PIGH: variants seen among roughly 807,000 people sequenced by gnomAD.
PIGH encodes the protein phosphatidylinositol glycan anchor biosynthesis class H.
PIGH carries 11 observed loss-of-function variants against 20.1 expected under a neutral mutation model. The ratio of observed to expected loss-of-function variants is 0.55; its 90% CI spans 0.34 to 0.91. The LOEUF (loss-of-function observed/expected upper bound fraction) is 0.91, where lower values mean the gene tolerates loss of function less well. Among genes scored for constraint, PIGH ranks in the 40% least tolerant of loss-of-function variants. The pLI, the probability that PIGH is intolerant of heterozygous loss-of-function variation, is 0.02. For synonymous variants in PIGH, 72 were observed against 93.1 expected (o/e 0.77, Z 1.31); for missense variants, 189 against 233.6 (o/e 0.81, Z 1.24).
chr14:67,596,674 G>C (rs999620309), intron 1 of PIGH, among the ~76,000 whole-genome samples: 1 of 152,042 alleles, frequency 6.6e-6, no homozygotes, highest in Non-Finnish European at 1.5e-5. Flanking sequence ...CAAGAATCTT[G>C]CTGAATCAGT....
chr14:67,596,295 A>ATTTTT (rs772451900), intron 1 of PIGH, among the ~76,000 whole-genome samples: 6,196 of 60,184 alleles, frequency 0.1, 1,270 homozygotes, highest in East Asian at 0.27. Flanking sequence ...CGCCCAGCTA[A>ATTTTT]TTTTTTTTTT....
At chr14:67,596,836 TA>T (rs1398170022) in intron 1 of PIGH, among the ~76,000 whole-genome samples, 1 of 152,252 alleles carries the variant, frequency 6.6e-6, no homozygotes, top group Non-Finnish European at 1.5e-5. Flanking sequence ...TCCTTGGCTA[TA>T]AATCTCCACT....
Position 67,600,262 on chromosome 14 carries a change from C to A in PIGH, c.-59G>T. 1 of 1,415,108 alleles carries A rather than the reference C, an allele frequency of 7.1e-7. No homozygotes were observed. The highest frequency in any genetic ancestry group is 1.4e-5 in the South Asian group (1 of 70,130). The allele number at this position is 1,415,108 out of a possible 1,614,324, so 87.7% of individuals were successfully genotyped here. The stretch of plus-strand genomic sequence containing the variant: ...GCTGCACTGCGCTCGCCGGCCCTGG[C>A]CGTCTCGCCCGCTCCAGACCCGCTT... On this transcript the variant is annotated 5_prime_UTR_variant, in exon 1 of 4. Coordinates refer to ENST00000216452, the MANE Select transcript of PIGH (RefSeq NM_004569.5).
chr14:67,589,429 T>A lies in PIGH; in HGVS notation c.*651A>T, dbSNP rs2036297971. 2 of 985,264 alleles carry A rather than the reference T, an allele frequency of 2.0e-6. No individual in the cohort carries two copies. Among genetic ancestry groups the A allele is most frequent in the East Asian group, 2.3e-4 (2 of 8,812 alleles). 61.0% of individuals were successfully genotyped at this position (985,264 alleles called of 1,614,324 possible). ...TTGGCAAAAGTAGCTTTTGAACTGA[T>A]ATAAAAAAAAATGCTGAGTAACAGA... is the stretch of plus-strand genomic sequence containing the variant. On this transcript the variant is annotated 3_prime_UTR_variant, in exon 4 of 4. Coordinates refer to ENST00000216452, the MANE Select transcript of PIGH (RefSeq NM_004569.5).
intron 1 of PIGH, among the ~76,000 whole-genome samples, chr14:67,598,150 C>A (rs1287195881): frequency 6.6e-6 from 1 of 152,164 alleles, no homozygotes; most frequent in African/African-American, 2.4e-5. Context: ...GATTTCTTCT[C>A]ATTCCAGATA....
chr14:67,598,254 A>T (rs1258327697), intron 1 of PIGH, among the ~76,000 whole-genome samples: 3 of 152,218 alleles, frequency 2.0e-5, no homozygotes, highest in Non-Finnish European at 4.4e-5. Context: ...TTAAAGGAAG[A>T]TGCGGTCACT....
chr14:67,590,378 G>A (rs759210560), intron 3 of PIGH, among the ~76,000 whole-genome samples: 2 of 151,026 alleles, frequency 1.3e-5, no homozygotes, highest in African/African-American at 2.4e-5. Context: ...TCAGCCTCCC[G>A]AGTAGCTGGG....
intron 1 of PIGH, among the ~76,000 whole-genome samples, chr14:67,599,527 G>T (rs917845359): frequency 6.6e-6 from 1 of 152,144 alleles, no homozygotes; most frequent in African/African-American, 2.4e-5. Flanking sequence ...CAGAGATTAG[G>T]AAGAACTATA....
At chr14:67,590,711 G>A (rs990058164) in intron 3 of PIGH, among the ~76,000 whole-genome samples, 1 of 152,192 alleles carries the variant, frequency 6.6e-6, no homozygotes, top group Non-Finnish European at 1.5e-5. Flanking sequence ...TGACACAGCA[G>A]TGAGCTCATG....
At chr14:67,598,101 TG>T (rs2036506962) in intron 1 of PIGH, among the ~76,000 whole-genome samples, 1 of 152,230 alleles carries the variant, frequency 6.6e-6, no homozygotes. Flanking sequence ...TAATTTGGGT[TG>T]GGGTTAAGCT....
chr14:67,597,929 A>G (rs766066726), intron 1 of PIGH, among the ~76,000 whole-genome samples: 34 of 152,300 alleles, frequency 2.2e-4, no homozygotes, highest in Admixed American at 7.8e-4. Context: ...TGGAACTTTA[A>G]TAGAACTGTG....
In PIGH at chr14:67,593,891, T is replaced by C; in HGVS notation, c.242A>G (p.His81Arg). 4 of 1,613,580 alleles carry C rather than the reference T, an allele frequency of 2.5e-6. No individual in the cohort carries two copies. The highest frequency in any genetic ancestry group is 3.4e-6 in the Non-Finnish European group (4 of 1,179,668). The change falls in exon 2 of 4, where the codon CAT becomes CGT. Residue 81 changes from histidine to arginine, a missense_variant. His to Arg is a conservative substitution (Grantham distance 29). Transcript: ENST00000216452. ...AGTCTCCTGATCAATCTTCACAAAA[T>C]GGAGATAACCAAGCAGACCTAAGAG... is the stretch of plus-strand genomic sequence containing the variant. ...ITLLGLLGYL[H>R]FVKIDQETLL...
chr14:67,592,614 G>T lies in PIGH; in HGVS notation c.474+21C>A, dbSNP rs1182805215. The T allele has an allele frequency of 4.8e-6, 7 of 1,464,148 alleles. No homozygotes were observed. In the African/African-American group the frequency reaches 8.3e-5, roughly 17 times the overall value. The allele number at this position is 1,464,148 out of a possible 1,614,324, so 90.7% of individuals were successfully genotyped here. ...AAGGTTGAGGAGTAATTGGAGAATGGTAAAAGTATTCTATGCTCACCTGGA... is the reference window on the plus strand; with the variant it reads ...AAGGTTGAGGAGTAATTGGAGAATGTTAAAAGTATTCTATGCTCACCTGGA... On this transcript the variant is annotated intron_variant, in intron 3 of 3. Transcript: ENST00000216452.
At chr14:67,591,159 G>A (rs2038491) in intron 3 of PIGH, among the ~76,000 whole-genome samples, 91,453 of 152,018 alleles carry the variant, frequency 0.6, 28,117 homozygotes, top group Non-Finnish European at 0.68. Context: ...GTAGTTTAAA[G>A]TAAGAGGAAA....
Position 67,600,137 on chromosome 14 carries a change from A to T in PIGH, c.67T>A (p.Ser23Thr). Residue 23 changes from serine (S) to threonine (T), a missense_variant, in exon 1 of 4, where the codon TCC becomes ACC. Coordinates refer to ENST00000216452, the MANE Select transcript of PIGH (RefSeq NM_004569.5). ...AGGCAGAATTCCCGGCAGGACGGGGAGTAGTAGCGGCGCTGCAGCGCCAGG... is the reference window on the plus strand; with the variant it reads ...AGGCAGAATTCCCGGCAGGACGGGGTGTAGTAGCGGCGCTGCAGCGCCAGG... ...GRLALQRRYY[S>T]PSCREFCLSC... The T allele has an allele frequency of 6.3e-7, 1 of 1,594,922 alleles. No homozygotes were observed. Among genetic ancestry groups the T allele is most frequent in the Non-Finnish European group, 8.5e-7 (1 of 1,171,474 alleles).
At chr14:67,591,070 A>G (rs2036356217) in intron 3 of PIGH, among the ~76,000 whole-genome samples, 1 of 152,208 alleles carries the variant, frequency 6.6e-6, no homozygotes, top group African/African-American at 2.4e-5. Context: ...CCTAAAATAT[A>G]TAAAGAATTG....
rs1416108452 is a variant in PIGH at position 67,600,248 on chromosome 14, C to T, written c.-45G>A. 6.1e-6 allele frequency: 9 copies of T among 1,472,256 alleles called. No individual in the cohort carries two copies. Among genetic ancestry groups the T allele is most frequent in the South Asian group, 2.7e-5 (2 of 74,910 alleles). The allele number at this position is 1,472,256 out of a possible 1,614,324, so 91.2% of individuals were successfully genotyped here. A position where few individuals can be genotyped will look rare whatever the true frequency, so the allele number is the denominator to read the frequency against. On this transcript the variant is annotated 5_prime_UTR_variant, in exon 1 of 4. Transcript: ENST00000216452. Reference sequence around the variant, plus strand: ...CCGCACCGCGCGGCGCTGCACTGCGCTCGCCGGCCCTGGCCGTCTCGCCCG... The same window carrying T: ...CCGCACCGCGCGGCGCTGCACTGCGTTCGCCGGCCCTGGCCGTCTCGCCCG...
Position 67,593,882 on chromosome 14 carries a change from T to G in PIGH, c.251A>C (p.Lys84Thr), listed in dbSNP as rs1450125070. The G allele has an allele frequency of 6.2e-7, 1 of 1,613,338 alleles. No individual in the cohort carries two copies. The highest frequency in any genetic ancestry group is 2.2e-5 in the East Asian group (1 of 44,882). ...GATTAACAGAGTCTCCTGATCAATC[T>G]TCACAAAATGGAGATAACCAAGCAG... ...LGLLGYLHFVKIDQETLLIID... is the reference protein window; with the variant it reads ...LGLLGYLHFVTIDQETLLIID... The change falls in exon 2 of 4, where the codon AAG (lysine) becomes ACG (threonine). Residue 84 changes from lysine (K) to threonine (T), a missense_variant. Transcript: ENST00000216452.
In PIGH at chr14:67,590,072, G is replaced by A. The variant is rs1305439970; in HGVS notation, c.*8C>T. The A allele has an allele frequency of 2.4e-5, 37 of 1,548,890 alleles. No individual in the cohort carries two copies. Among genetic ancestry groups the A allele is most frequent in the Non-Finnish European group, 3.0e-5 (34 of 1,146,372 alleles). Reference sequence around the variant, plus strand: ...GGAAGACAATGCTGGCCTTCTGAACGCTGGGGCTCATGGGCTTGTTGATGT... The same window carrying A: ...GGAAGACAATGCTGGCCTTCTGAACACTGGGGCTCATGGGCTTGTTGATGT... On this transcript the variant is annotated 3_prime_UTR_variant, in exon 4 of 4. Transcript: ENST00000216452.
Sources: allele counts gnomAD v4.1 joint callset (sites outside exome capture counted in the v4.1 genomes callset), GRCh38; gene constraint gnomAD v4.1.1; transcripts MANE v1.5; gene names NCBI Gene and HGNC (gene_info 2026-07-23, HGNC 2026-07-21).